The following TOPBP1 variants were observed in gnomAD, a reference collection of about 807,000 sequenced individuals.
TOPBP1 encodes DNA topoisomerase 2-binding protein 1.
TOPBP1 carries 28 observed loss-of-function variants against 167.7 expected under a neutral mutation model. The ratio of observed to expected loss-of-function variants is 0.17; its 90% CI spans 0.12 to 0.23. The LOEUF is 0.23. Among genes scored for constraint, TOPBP1 ranks in the 10% least tolerant of loss-of-function variants. The pLI, the probability that TOPBP1 is intolerant of heterozygous loss-of-function variation, is 1.00. For missense variants in TOPBP1, 1,554 were observed against 1,809.6 expected (o/e 0.86, Z 2.56); for synonymous variants, 598 against 611.4 (o/e 0.98, Z 0.32).
chr3:133,641,847 G>C (rs1328822706), intron 12 of TOPBP1, among the ~76,000 whole-genome samples: 1 of 152,114 alleles, frequency 6.6e-6, no homozygotes, highest in Admixed American at 6.5e-5. Flanking sequence ...AGCAAAAAAA[G>C]AAATATACAG....
chr3:133,643,947 A>G, intron 11 of TOPBP1, 73 bp downstream of exon 11: 1 of 1,420,092 alleles, frequency 7.0e-7, no homozygotes. Flanking sequence ...GAACTGTCTA[A>G]GAAATAAACA....
Position 133,649,886 on chromosome 3 carries a change from T to C in TOPBP1, c.1147A>G (p.Ser383Gly). 2 of 1,611,568 alleles carry C rather than the reference T, an allele frequency of 1.2e-6. No homozygotes were observed. Among genetic ancestry groups the C allele is most frequent in the African/African-American group, 1.3e-5 (1 of 74,990 alleles). ...KLDKLRRLINSGGGVRFNQLN... is the reference protein window; with the variant it reads ...KLDKLRRLINGGGGVRFNQLN... ...TGGTTAAAACGAACTCCACCTCCAC[T>C]GTTAATAAGTCTTCTCAGTTTATCT... The change falls in exon 9 of 28, where the codon AGT (serine) becomes GGT (glycine). Residue 383 changes from serine (S) to glycine (G), a missense_variant. By Grantham distance (56) the Ser-to-Gly change is moderately conservative. Transcript: ENST00000260810.
chr3:133,661,230 C>G (rs2107843806), intron 1 of TOPBP1, 96 bp from the exon 2 acceptor site: 2 of 857,392 alleles, frequency 2.3e-6, no homozygotes, highest in Non-Finnish European at 3.4e-6. Flanking sequence ...ACAAGAATGC[C>G]TAAAGACAGA....
chr3:133,652,871 T>C (rs1464525386), intron 7 of TOPBP1, among the ~76,000 whole-genome samples: 5 of 152,170 alleles, frequency 3.3e-5, no homozygotes, highest in Admixed American at 3.3e-4. Context: ...TTGTTTCCCA[T>C]AAAAATCTGA....
chr3:133,635,525 G>C (rs1455880704), intron 14 of TOPBP1, among the ~76,000 whole-genome samples: 2 of 152,104 alleles, frequency 1.3e-5, no homozygotes, highest in Non-Finnish European at 1.5e-5. Context: ...CAAAATGCTG[G>C]GATTACAGGT....
chr3:133,606,313 T>C (rs1261955034), intron 27 of TOPBP1, among the ~76,000 whole-genome samples: 1 of 152,152 alleles, frequency 6.6e-6, no homozygotes, highest in Non-Finnish European at 1.5e-5. Flanking sequence ...GGAATAAATT[T>C]AACAAAAGAT....
intron 13 of TOPBP1, 98 bp from the exon 14 acceptor site, chr3:133,638,260 C>A (rs998445565): frequency 9.2e-6 from 11 of 1,190,424 alleles, no homozygotes; most frequent in African/African-American, 3.1e-5. Flanking sequence ...TCTTTCCTTT[C>A]TTTCTTGCAT....
intron 14 of TOPBP1, among the ~76,000 whole-genome samples, chr3:133,631,316 T>A (rs1262800723): frequency 6.6e-6 from 1 of 152,214 alleles, no homozygotes; most frequent in Non-Finnish European, 1.5e-5. Flanking sequence ...ACATAATAAA[T>A]TCCCCTATTT....
rs115260107 is a variant in TOPBP1, at chr3:133,653,928, G to A, written c.743-404C>T. ...ATTACAAGCGTGAGCAACCGCGCCC[G>A]GCTATAACAGGTTATTTCAAAAACC... On this transcript the variant is annotated intron_variant, in intron 6 of 27. Transcript: ENST00000260810. Among the ~76,000 whole-genome samples the A allele has an allele frequency of 2.9e-3, 440 of 152,114 alleles. 2 individuals carry two copies. Among genetic ancestry groups the A allele is most frequent in the African/African-American group, 9.3e-3 (386 of 41,530 alleles).
chr3:133,616,808 T>G lies in TOPBP1; in HGVS notation c.3871+6A>C. On this transcript the variant is annotated splice_donor_region_variant and intron_variant, in intron 23 of 27. Transcript: ENST00000260810. ...GACATTTTGGATTTAAGTAAAATAC[T>G]GGTACCTAGTTTCTCAATCAGATGA... is the stretch of plus-strand genomic sequence containing the variant. 1 of 1,476,008 alleles carries G rather than the reference T, an allele frequency of 6.8e-7. No homozygotes were observed. Among genetic ancestry groups the G allele is most frequent in the Non-Finnish European group, 9.0e-7 (1 of 1,106,978 alleles). 91.4% of individuals were successfully genotyped at this position (1,476,008 alleles called of 1,614,324 possible). A position where few individuals can be genotyped will look rare whatever the true frequency, so the allele number is the denominator to read the frequency against.
Position 133,643,377 on chromosome 3 carries a change from TA to T in TOPBP1, c.1849-6del. ...CTGATAGTCTATGCAAGTAACCTTT[TA>T]AAAACAAAAGAAATAGTAAAGCCAA... On this transcript the variant is annotated splice_polypyrimidine_tract_variant and splice_region_variant and intron_variant, in intron 11 of 27. Coordinates refer to ENST00000260810, the MANE Select transcript of TOPBP1 (RefSeq NM_007027.4). 5 of 1,562,480 alleles carry T rather than the reference TA, an allele frequency of 3.2e-6. No homozygotes were observed. The highest frequency in any genetic ancestry group is 4.3e-6 in the Non-Finnish European group (5 of 1,159,736).
Position 133,649,582 on chromosome 3 carries a change from A to G in TOPBP1, c.1305T>C (p.Tyr435=), listed in dbSNP as rs200462440. Residue 435 remains tyrosine, a synonymous_variant, in exon 10 of 28, where the codon TAT becomes TAC. Coordinates refer to ENST00000260810, the MANE Select transcript of TOPBP1 (RefSeq NM_007027.4). ...GGATATATGGTTCTTCAGAAAGCAT[A>G]TAACCTTTACTGAAACACTCTAGCA... The part of the protein sequence containing the change: ...KWLLECFSKG[Y]MLSEEPYIHA... The G allele has an allele frequency of 6.2e-6, 10 of 1,613,776 alleles. No homozygotes were observed. Among genetic ancestry groups the G allele is most frequent in the South Asian group, 1.1e-5 (1 of 91,086 alleles).
intron 25 of TOPBP1, among the ~76,000 whole-genome samples, chr3:133,610,339 A>C (rs1934631661): frequency 1.3e-5 from 2 of 152,218 alleles, no homozygotes; most frequent in Non-Finnish European, 2.9e-5. Context: ...TTTGGACTGA[A>C]TCATTAATAC....
Position 133,617,365 on chromosome 3 carries a change from A to C in TOPBP1, c.3593-39T>G. On this transcript the variant is annotated intron_variant, in intron 21 of 27. Transcript: ENST00000260810. ...AATGCTGCAGTGTGACAGGATCCAA[A>C]TAAGACTAAAAACAAATTCTAGGAA... 3 of 1,518,566 alleles carry C rather than the reference A, an allele frequency of 2.0e-6. No individual in the cohort carries two copies. The South Asian group carries it at 4.0e-5, about 20-fold the overall frequency. 94.1% of individuals were successfully genotyped at this position (1,518,566 alleles called of 1,614,324 possible).
At chr3:133,625,423 T>C (rs1159474853) in intron 16 of TOPBP1, among the ~76,000 whole-genome samples, 1 of 152,230 alleles carries the variant, frequency 6.6e-6, no homozygotes, top group Non-Finnish European at 1.5e-5. Context: ...CTGAGCTTTT[T>C]AAATAGACAA....
At chr3:133,652,435 C>T (rs1276615711) in intron 8 of TOPBP1, 28 bp downstream of exon 8, 1 of 1,607,972 alleles carries the variant, frequency 6.2e-7, no homozygotes. Context: ...ATATCATCTA[C>T]TGCATGTATT....
chr3:133,653,627 A>ATCT, intron 6 of TOPBP1, 103 bp from the exon 7 acceptor site: 1 of 1,073,720 alleles, frequency 9.3e-7, no homozygotes, highest in African/African-American at 1.7e-5. Context: ...TAACAGGTTA[A>ATCT]TATTTTTTTT....
At chr3:133,613,367 T>G (rs1576680720) in intron 23 of TOPBP1, among the ~76,000 whole-genome samples, 1 of 152,210 alleles carries the variant, frequency 6.6e-6, no homozygotes, top group African/African-American at 2.4e-5. Context: ...TTGTTATAAT[T>G]AGGATACAAA....
chr3:133,610,718 C>G (rs1559806920), intron 25 of TOPBP1, among the ~76,000 whole-genome samples: 1 of 151,620 alleles, frequency 6.6e-6, no homozygotes, highest in Admixed American at 6.6e-5. Flanking sequence ...TCTCCCCATG[C>G]AAAGTACATG....
Sources: allele counts gnomAD v4.1 joint callset (sites outside exome capture counted in the v4.1 genomes callset), GRCh38; gene constraint gnomAD v4.1.1; transcripts MANE v1.5; gene names NCBI Gene and HGNC (gene_info 2026-07-23, HGNC 2026-07-21).